The following DGKI variants were observed in gnomAD, a reference collection of about 807,000 sequenced individuals.
DGKI encodes the protein DAG kinase iota.
A neutral mutation model predicts 147.5 loss-of-function variants in DGKI; 55 were observed. The ratio of observed to expected loss-of-function variants is 0.37; its 90% CI spans 0.30 to 0.47. The LOEUF (loss-of-function observed/expected upper bound fraction) is 0.47, where lower values mean the gene tolerates loss of function less well. DGKI is among the 20% of genes least tolerant of loss of function. DGKI has a pLI of 1.00. For missense variants in DGKI, 1,007 were observed against 1,323.8 expected (o/e 0.76, Z 3.71); for synonymous variants, 469 against 477.1 (o/e 0.98, Z 0.22).
chr7:137,402,288 G>A (rs1811788076), intron 30 of DGKI, among the ~76,000 whole-genome samples: 1 of 152,170 alleles, frequency 6.6e-6, no homozygotes, highest in African/African-American at 2.4e-5. Context: ...ATTCACAATT[G>A]AAATATGGAT....
Position 137,773,442 on chromosome 7 carries a change from G to C in DGKI, c.401+73020C>G, listed in dbSNP as rs529065720. On this transcript the variant is annotated intron_variant, in intron 1 of 32. Coordinates refer to ENST00000614521, the MANE Select transcript of DGKI (RefSeq NM_001321708.2). ...AGGGGTATTCTGATCCCCAGGAAAA[G>C]CTGGAGCCCTGAAACCTGGTGACTC... is the stretch of plus-strand genomic sequence containing the variant. Among the ~76,000 whole-genome samples the C allele has an allele frequency of 1.5e-4, 23 of 152,264 alleles. 1 individual carries two copies. In the South Asian group the frequency reaches 4.6e-3, roughly 30 times the overall value.
chr7:137,476,309 T>G (rs1031204790), intron 23 of DGKI, among the ~76,000 whole-genome samples: 1 of 152,198 alleles, frequency 6.6e-6, no homozygotes, highest in African/African-American at 2.4e-5. Flanking sequence ...ATTTTGGTGA[T>G]GGTAATTTTC....
Position 137,585,351 on chromosome 7 carries a change from G to A in DGKI, c.1426-5C>T. On this transcript the variant is annotated splice_polypyrimidine_tract_variant and splice_region_variant and intron_variant, in intron 13 of 32. Coordinates refer to ENST00000614521, the MANE Select transcript of DGKI (RefSeq NM_001321708.2). ...AACAGGTTCATCAGTGTAGCCCTGAGGAATCAGAGAACATATCCATTGCTG... is the reference window on the plus strand; with the variant it reads ...AACAGGTTCATCAGTGTAGCCCTGAAGAATCAGAGAACATATCCATTGCTG... The A allele has an allele frequency of 6.2e-7, 1 of 1,613,510 alleles. No homozygotes were observed. Among genetic ancestry groups the A allele is most frequent in the Non-Finnish European group, 8.5e-7 (1 of 1,179,744 alleles).
At chr7:137,459,390 T>C (rs1016109569) in intron 27 of DGKI, among the ~76,000 whole-genome samples, 3 of 152,130 alleles carry the variant, frequency 2.0e-5, no homozygotes, top group Admixed American at 2.0e-4. Context: ...GGTATATTTC[T>C]TTCTGTTTTC....
intron 12 of DGKI, among the ~76,000 whole-genome samples, chr7:137,595,186 G>A (rs1331075742): frequency 6.6e-6 from 1 of 152,216 alleles, no homozygotes; most frequent in Non-Finnish European, 1.5e-5. Context: ...TTAATGAAGA[G>A]TTGCTTGAAA....
intron 1 of DGKI, among the ~76,000 whole-genome samples, chr7:137,760,112 T>C (rs1220348085): frequency 2.0e-5 from 3 of 152,160 alleles, no homozygotes; most frequent in African/African-American, 7.2e-5. Context: ...CACTCCCTCT[T>C]TCTTTGAATC....
intron 1 of DGKI, among the ~76,000 whole-genome samples, chr7:137,780,135 A>G (rs1036501241): frequency 6.6e-5 from 10 of 152,348 alleles, no homozygotes; most frequent in African/African-American, 2.4e-4. Context: ...AGGCGGTCAG[A>G]GACATCACCA....
intron 1 of DGKI, among the ~76,000 whole-genome samples, chr7:137,766,344 C>T (rs557557224): frequency 6.6e-6 from 1 of 152,308 alleles, no homozygotes; most frequent in African/African-American, 2.4e-5. Flanking sequence ...ACTCCCTTCC[C>T]AACCTCCAAC....
At chr7:137,665,315 A>C (rs1585346431) in intron 3 of DGKI, among the ~76,000 whole-genome samples, 1 of 152,310 alleles carries the variant, frequency 6.6e-6, no homozygotes, top group South Asian at 2.1e-4. Context: ...CCAGCCCCAC[A>C]CCAGCCTCCA....
chr7:137,840,796 T>C (rs913162235), intron 1 of DGKI, among the ~76,000 whole-genome samples: 1 of 152,220 alleles, frequency 6.6e-6, no homozygotes, highest in Admixed American at 6.5e-5. Flanking sequence ...AAAATGCCAA[T>C]GAAATGTATT....
At chr7:137,509,800 G>A (rs1816515472) in intron 21 of DGKI, among the ~76,000 whole-genome samples, 2 of 152,144 alleles carry the variant, frequency 1.3e-5, no homozygotes, top group South Asian at 4.1e-4. Context: ...GAGAATGAAA[G>A]GGAACACTAC....
In DGKI at chr7:137,490,414, C is replaced by T. The variant is rs973298348; in HGVS notation, c.2249-2725G>A. 4.6e-5 allele frequency among the ~76,000 whole-genome samples: 7 copies of T among 152,284 alleles called. No individual in the cohort carries two copies. The East Asian group carries it at 1.2e-3, about 25-fold the overall frequency. On this transcript the variant is annotated intron_variant, in intron 21 of 32. Coordinates refer to ENST00000614521, the MANE Select transcript of DGKI (RefSeq NM_001321708.2). ...AAACATCAATTTTTATTCTCCCTTA[C>T]TCTTTTCACTATCTTTTGAGCATCT...
intron 1 of DGKI, among the ~76,000 whole-genome samples, chr7:137,797,371 AATAAAGGTAACCACATAGGTAAATATG>A (rs760188886): frequency 8.5e-5 from 13 of 152,190 alleles, no homozygotes; most frequent in Non-Finnish European, 1.9e-4. Flanking sequence ...AAAGACCACC[AATAAAGGTAACCACATAGGTAAATATG>A]AAGGACAGTA....
chr7:137,407,906 G>A lies in DGKI; in HGVS notation c.2889C>T (p.Asn963=), dbSNP rs141574303. 1.5e-4 allele frequency: 244 copies of A among 1,614,078 alleles called. 3 individuals are homozygous for A. The Middle Eastern group carries it at 7.1e-3, about 47-fold the overall frequency. The change falls in exon 30 of 33, where the codon AAC becomes AAT. Residue 963 remains asparagine, a synonymous_variant. Coordinates refer to ENST00000614521, the MANE Select transcript of DGKI (RefSeq NM_001321708.2). ...CAAGGATATATTTCACAATCTCCCC[G>A]TTGCCGGTTTTAGCTGCGTAGTGAA... is the stretch of plus-strand genomic sequence containing the variant. ...SLLHYAAKTG[N]GEIVKYILDH...
intron 3 of DGKI, among the ~76,000 whole-genome samples, chr7:137,672,772 T>A (rs1342119301): frequency 1.8e-4 from 11 of 59,552 alleles, no homozygotes; most frequent in Non-Finnish European, 3.3e-4. Context: ...GTGTCTTTTT[T>A]TTTTTTTTTT....
In DGKI at chr7:137,428,064, A is replaced by T. The variant is rs530033346; in HGVS notation, c.2762-15857T>A. ...TAACTCATTTTATGAGGCCAGCATC[A>T]TCCTGATACCAAAGCCGGGCAGAGA... On this transcript the variant is annotated intron_variant, in intron 28 of 32. Transcript: ENST00000614521. Among the ~76,000 whole-genome samples, 500 of 148,914 alleles carry T rather than the reference A, an allele frequency of 3.4e-3. 1 individual carries two copies. The highest frequency in any genetic ancestry group is 0.012 in the African/African-American group (478 of 40,302).
At chr7:137,765,630 T>G (rs1292233149) in intron 1 of DGKI, among the ~76,000 whole-genome samples, 1 of 152,184 alleles carries the variant, frequency 6.6e-6, no homozygotes, top group Non-Finnish European at 1.5e-5. Context: ...CTTGTCAAGG[T>G]TTAGAACCAC....
At chr7:137,778,903 C>A (rs940489366) in intron 1 of DGKI, among the ~76,000 whole-genome samples, 2 of 152,186 alleles carry the variant, frequency 1.3e-5, no homozygotes, top group African/African-American at 4.8e-5. Flanking sequence ...TCTCCCAAAT[C>A]ACTGGCTAAA....
At chr7:137,429,261 T>C (rs993573029) in intron 28 of DGKI, among the ~76,000 whole-genome samples, 1 of 151,028 alleles carries the variant, frequency 6.6e-6, no homozygotes, top group African/African-American at 2.4e-5. Context: ...TATCTACAAC[T>C]ATCTGATCTT....
Sources: gnomAD v4.1 joint callset for allele counts (sites outside exome capture counted in the v4.1 genomes callset) on GRCh38, gnomAD v4.1.1 for gene constraint, MANE v1.5 for transcripts, NCBI Gene and HGNC (gene_info 2026-07-23, HGNC 2026-07-21) for gene names.